The following ATP1B3 variants were observed in gnomAD, a reference collection of about 807,000 sequenced individuals.
The protein encoded by ATP1B3 is ATPase Na+/K+ transporting subunit beta 3, also known as sodium/potassium-transporting ATPase subunit beta-3.
Under a neutral mutation model 30.2 loss-of-function variants are expected in ATP1B3, and 10 were observed. The ratio of observed to expected loss-of-function variants is 0.33; its 90% CI spans 0.20 to 0.56. The LOEUF is 0.56. Ranked by LOEUF, ATP1B3 falls within the 20% of genes least tolerant of loss-of-function variation. The pLI, the probability that ATP1B3 is intolerant of heterozygous loss-of-function variation, is 0.90. For synonymous variants in ATP1B3, 113 were observed against 117.0 expected (o/e 0.97, Z 0.22); for missense variants, 238 against 336.7 (o/e 0.71, Z 2.29).
At chr3:141,906,078 A>G (rs904796600) in intron 2 of ATP1B3, among the ~76,000 whole-genome samples, 1 of 151,724 alleles carries the variant, frequency 6.6e-6, no homozygotes, top group Non-Finnish European at 1.5e-5. Flanking sequence ...TATGTATTAT[A>G]TGTACATGTG....
chr3:141,907,108 A>C, intron 2 of ATP1B3, 59 bp from the exon 3 acceptor site: 2 of 1,314,542 alleles, frequency 1.5e-6, no homozygotes, highest in Non-Finnish European at 2.1e-6. Context: ...TTTTAGAGAT[A>C]AGAGGAAGGA....
rs1168549266 is a variant in ATP1B3, at chr3:141,889,728, CAAAAAAAAAAAA to C, written c.109+12830_109+12841del. On this transcript the variant is annotated intron_variant, in intron 1 of 6. Coordinates refer to ENST00000286371, the MANE Select transcript of ATP1B3 (RefSeq NM_001679.4). ...GGGCAAAAAGAGCGAGACTCCGTCT[CAAAAAAAAAAAA>C]AAAAAAAAAAATATATACACACACA... Among the ~76,000 whole-genome samples the C allele has an allele frequency of 5.6e-3, 271 of 48,490 alleles. 9 individuals carry two copies. The highest frequency in any genetic ancestry group is 8.2e-3 in the Non-Finnish European group (228 of 27,792). The allele number at this position is 48,490 out of a possible 152,430, so 31.8% of individuals were successfully genotyped here.
intron 1 of ATP1B3, among the ~76,000 whole-genome samples, chr3:141,885,175 A>G (rs1011769341): frequency 6.6e-6 from 1 of 152,202 alleles, no homozygotes; most frequent in African/African-American, 2.4e-5. Flanking sequence ...TGCCGGTGCT[A>G]TTCAATAACA....
At chr3:141,918,258 A>G (rs74631521) in intron 5 of ATP1B3, 8,292 of 152,252 alleles carry the variant, frequency 0.054, 310 homozygotes, top group Non-Finnish European at 0.086. Context: ...TCAGCTGGGT[A>G]GAAGTGCTAA....
At position 141,880,080 on chromosome 3, in the gene ATP1B3, T is replaced by C. The variant is rs145670144; in HGVS notation, c.109+3170T>C. On this transcript the variant is annotated intron_variant, in intron 1 of 6. Transcript: ENST00000286371. ...TTTTATTTTTACACATTTAAGTCTTTAGTATGTTTGTCTCATTTTGATCTA... is the reference window on the plus strand; with the variant it reads ...TTTTATTTTTACACATTTAAGTCTTCAGTATGTTTGTCTCATTTTGATCTA... 3.7e-4 allele frequency among the ~76,000 whole-genome samples: 56 copies of C among 152,248 alleles called. No individual in the cohort carries two copies. The Middle Eastern group carries it at 0.01, about 28-fold the overall frequency.
At chr3:141,907,643 A>G (rs1934287263) in intron 3 of ATP1B3, among the ~76,000 whole-genome samples, 1 of 148,648 alleles carries the variant, frequency 6.7e-6, no homozygotes, top group Non-Finnish European at 1.5e-5. Context: ...CTCCGTCTCA[A>G]AAAAAAAAAA....
chr3:141,907,831 T>A (rs1934289545), intron 3 of ATP1B3, among the ~76,000 whole-genome samples: 1 of 152,160 alleles, frequency 6.6e-6, no homozygotes, highest in Non-Finnish European at 1.5e-5. Flanking sequence ...TTTTTCTGTC[T>A]TATAATAAGG....
intron 1 of ATP1B3, among the ~76,000 whole-genome samples, chr3:141,895,183 C>A (rs1300748447): frequency 4.5e-5 from 6 of 133,044 alleles, no homozygotes. Context: ...TTTTTTCTTT[C>A]TTTTCTTTTT....
At chr3:141,922,146 G>C (rs1185804470) in intron 6 of ATP1B3, 83 bp downstream of exon 6, 3 of 769,166 alleles carry the variant, frequency 3.9e-6, no homozygotes, top group Non-Finnish European at 6.4e-6. Flanking sequence ...TCTGGGGTAG[G>C]TAGACGCCAG....
At chr3:141,915,475 T>C (rs1175415051) in intron 4 of ATP1B3, among the ~76,000 whole-genome samples, 1 of 152,212 alleles carries the variant, frequency 6.6e-6, no homozygotes, top group East Asian at 1.9e-4. Context: ...AGTCTTAAAA[T>C]AGGGCTCTCC....
At chr3:141,920,008 A>G (rs1214342583) in intron 5 of ATP1B3, among the ~76,000 whole-genome samples, 1 of 152,184 alleles carries the variant, frequency 6.6e-6, no homozygotes, top group African/African-American at 2.4e-5. Flanking sequence ...TGAGTACCTC[A>G]TTATTATTCA....
chr3:141,902,957 A>G (rs1934191438), intron 1 of ATP1B3: 1 of 152,208 alleles, frequency 6.6e-6, no homozygotes, highest in Non-Finnish European at 1.5e-5. Flanking sequence ...TTTGCATGTC[A>G]TCCTTGCACA....
chr3:141,903,415 A>T (rs911213704), intron 1 of ATP1B3, among the ~76,000 whole-genome samples: 1 of 152,116 alleles, frequency 6.6e-6, no homozygotes, highest in Non-Finnish European at 1.5e-5. Context: ...AGGAGGGGTC[A>T]TGGGATGGGT....
chr3:141,923,343 A>C (rs534571334), intron 6 of ATP1B3, among the ~76,000 whole-genome samples: 27 of 151,934 alleles, frequency 1.8e-4, no homozygotes, highest in African/African-American at 6.0e-4. Flanking sequence ...CGGCTTTATA[A>C]GAAGAGGAAG....
chr3:141,886,255 C>A (rs146262117), intron 1 of ATP1B3, among the ~76,000 whole-genome samples: 1 of 152,244 alleles, frequency 6.6e-6, no homozygotes, highest in Non-Finnish European at 1.5e-5. Flanking sequence ...TGTAGCTACA[C>A]GGATGTATCT....
chr3:141,904,656 A>C (rs1309817739), intron 2 of ATP1B3, among the ~76,000 whole-genome samples: 1 of 150,704 alleles, frequency 6.6e-6, no homozygotes, highest in Non-Finnish European at 1.5e-5. Context: ...AAACTGAAAC[A>C]TCTAAACCAC....
At chr3:141,880,005 C>T (rs1044500980) in intron 1 of ATP1B3, among the ~76,000 whole-genome samples, 13 of 151,692 alleles carry the variant, frequency 8.6e-5, no homozygotes, top group Non-Finnish European at 1.9e-4. Context: ...GCTAGGACTC[C>T]TGGTGTGTCT....
intron 1 of ATP1B3, among the ~76,000 whole-genome samples, chr3:141,886,110 C>T (rs559555700): frequency 6.6e-6 from 1 of 152,210 alleles, no homozygotes; most frequent in Non-Finnish European, 1.5e-5. Flanking sequence ...TGGGTCCCTA[C>T]TGCTTCCAGA....
intron 5 of ATP1B3, among the ~76,000 whole-genome samples, chr3:141,920,062 A>G (rs893164417): frequency 7.2e-5 from 11 of 152,176 alleles, no homozygotes; most frequent in African/African-American, 2.7e-4. Flanking sequence ...GTTTATTTTC[A>G]CAGAAGGTAT....
Sources: gnomAD v4.1 joint callset for allele counts (sites outside exome capture counted in the v4.1 genomes callset) on GRCh38, gnomAD v4.1.1 for gene constraint, MANE v1.5 for transcripts, NCBI Gene and HGNC (gene_info 2026-07-23, HGNC 2026-07-21) for gene names.